DRC8: variants seen among roughly 807,000 people sequenced by gnomAD.
DRC8 encodes dynein regulatory complex subunit 8.
At chr1:244,974,058 A>G in the DRC8 span, among the ~76,000 whole-genome samples, 1 of 152,222 alleles carries the variant, frequency 6.6e-6, no homozygotes, top group Non-Finnish European at 1.5e-5. Context: ...TTTTTAACTG[A>G]AAGAAGAATG....
the DRC8 span, among the ~76,000 whole-genome samples, chr1:244,976,013 A>C: frequency 6.6e-6 from 1 of 152,080 alleles, no homozygotes; most frequent in Non-Finnish European, 1.5e-5. Context: ...TCCTGCTTGT[A>C]ATTCCAGCAC....
At chr1:245,121,991 C>T in the DRC8 span, 16 of 385,866 alleles carry the variant, frequency 4.1e-5, 1 homozygote, top group Middle Eastern at 9.2e-4. Context: ...CTCCACCTCC[C>T]GGGTTCAAGA....
At chr1:244,972,426 TGTA>T in the DRC8 span, among the ~76,000 whole-genome samples, 4 of 152,222 alleles carry the variant, frequency 2.6e-5, no homozygotes, top group Non-Finnish European at 4.4e-5. Flanking sequence ...TGTGTATCCT[TGTA>T]GTCCGTGGAC....
the DRC8 span, among the ~76,000 whole-genome samples, chr1:245,098,285 C>A: frequency 2.0e-5 from 3 of 151,988 alleles, no homozygotes; most frequent in Non-Finnish European, 4.4e-5. Context: ...TCCAGGCTGT[C>A]TATATAAGTC....
chr1:245,086,485 G>C, the DRC8 span, among the ~76,000 whole-genome samples: 1 of 152,204 alleles, frequency 6.6e-6, no homozygotes, highest in East Asian at 1.9e-4. Flanking sequence ...ACTAGTTTGA[G>C]AATATGCATT....
chr1:245,083,799 G>C, the DRC8 span: 4 of 1,422,746 alleles, frequency 2.8e-6, no homozygotes, highest in African/African-American at 4.3e-5. Context: ...TCTGGTGAAA[G>C]TTATTTACTG....
At chr1:245,019,846 T>G in the DRC8 span, among the ~76,000 whole-genome samples, 1 of 152,164 alleles carries the variant, frequency 6.6e-6, no homozygotes, top group East Asian at 1.9e-4. Flanking sequence ...GCACCTGTAG[T>G]CCCAGCTGCT....
the DRC8 span, chr1:244,969,855 G>A: frequency 1.4e-5 from 6 of 420,192 alleles, no homozygotes; most frequent in East Asian, 4.5e-5. Flanking sequence ...GCAGCAGCCG[G>A]GCCGCTTCCC....
At chr1:245,053,280 C>T in the DRC8 span, among the ~76,000 whole-genome samples, 1 of 152,194 alleles carries the variant, frequency 6.6e-6, no homozygotes, top group Non-Finnish European at 1.5e-5. Flanking sequence ...ATCAATGATA[C>T]TCAGAGAAGA....
the DRC8 span, among the ~76,000 whole-genome samples, chr1:245,097,932 C>G: frequency 1.3e-5 from 2 of 152,016 alleles, no homozygotes; most frequent in South Asian, 2.1e-4. This position sits in a 1 kb window ranked among gnomAD's most constrained non-coding sequence, Gnocchi z 5.0. Context: ...GGCAGGGCCC[C>G]GAGCATGAAG....
chr1:245,035,648 C>T, the DRC8 span, among the ~76,000 whole-genome samples: 2 of 146,430 alleles, frequency 1.4e-5, no homozygotes, highest in Admixed American at 1.4e-4. Context: ...AGGCAGATCA[C>T]CTGAGGTCAG....
the DRC8 span, chr1:245,086,966 T>C: frequency 1.9e-6 from 1 of 539,756 alleles, no homozygotes; most frequent in South Asian, 1.8e-5. Flanking sequence ...TCATGATGTC[T>C]GTATGTCTTC....
the DRC8 span, among the ~76,000 whole-genome samples, chr1:245,046,685 T>C: frequency 4.6e-5 from 7 of 151,414 alleles, no homozygotes; most frequent in African/African-American, 1.7e-4. Context: ...GTAATTTGTT[T>C]TTATTCTCAT....
the DRC8 span, among the ~76,000 whole-genome samples, chr1:244,997,672 T>C: frequency 3.3e-5 from 5 of 151,782 alleles, no homozygotes; most frequent in Non-Finnish European, 7.4e-5. Context: ...GCCTCCTGAC[T>C]AGCTGGGATT....
the DRC8 span, among the ~76,000 whole-genome samples, chr1:245,118,603 C>G: frequency 9.9e-5 from 15 of 151,936 alleles, no homozygotes; most frequent in Non-Finnish European, 2.2e-4. Context: ...ATCAGCCTGA[C>G]CAACAGGGAG....
chr1:245,034,576 G>A, the DRC8 span, among the ~76,000 whole-genome samples: 2 of 128,786 alleles, frequency 1.6e-5, no homozygotes, highest in African/African-American at 6.1e-5. Context: ...ACTCCAGCCT[G>A]GGTAACAGAA....
At chr1:244,990,200 A>G in the DRC8 span, among the ~76,000 whole-genome samples, 1 of 152,200 alleles carries the variant, frequency 6.6e-6, no homozygotes, top group African/African-American at 2.4e-5. Context: ...TCACGTGGGC[A>G]TTTTATCGTC....
the DRC8 span, among the ~76,000 whole-genome samples, chr1:245,019,851 G>A: frequency 6.6e-6 from 1 of 152,218 alleles, no homozygotes; most frequent in Admixed American, 6.5e-5. Context: ...TGTAGTCCCA[G>A]CTGCTTGGGA....
chr1:245,035,879 A>AG, the DRC8 span, among the ~76,000 whole-genome samples: 9 of 151,772 alleles, frequency 5.9e-5, no homozygotes, highest in African/African-American at 1.2e-4. Flanking sequence ...AAAAAAAAAA[A>AG]AAGAAGAAGA....
Sources: gnomAD v4.1 joint callset for allele counts (sites outside exome capture counted in the v4.1 genomes callset) on GRCh38, gnomAD v4.1.1 for gene constraint, Gnocchi (gnomAD v3.1) non-coding constraint, MANE v1.5 for transcripts, NCBI Gene and HGNC (gene_info 2026-07-23, HGNC 2026-07-21) for gene names.